NEO1: variants seen among roughly 807,000 people sequenced by gnomAD.
NEO1 encodes the protein neogenin.
Under a neutral mutation model 159.7 loss-of-function variants are expected in NEO1, and 63 were observed. The ratio of observed to expected loss-of-function variants is 0.39; its 90% CI spans 0.32 to 0.49. The LOEUF (loss-of-function observed/expected upper bound fraction) is 0.49. Among genes scored for constraint, NEO1 ranks in the 20% least tolerant of loss-of-function variants. The pLI, the probability that NEO1 is intolerant of heterozygous loss-of-function variation, is 0.85. For synonymous variants in NEO1, 633 were observed against 662.0 expected (o/e 0.96, Z 0.67); for missense variants, 1,615 against 1,831.0 (o/e 0.88, Z 2.15).
At chr15:73,081,598 G>A (rs2069049725) in intron 1 of NEO1, among the ~76,000 whole-genome samples, 1 of 150,684 alleles carries the variant, frequency 6.6e-6, no homozygotes, top group African/African-American at 2.4e-5. Flanking sequence ...TTTTTTCTGA[G>A]ACAAGGACTC....
intron 9 of NEO1, among the ~76,000 whole-genome samples, chr15:73,246,988 G>A (rs1489808485): frequency 2.0e-5 from 3 of 152,196 alleles, no homozygotes; most frequent in African/African-American, 7.2e-5. Flanking sequence ...GGAGCTTACG[G>A]TCTGGTACCA....
intron 1 of NEO1, among the ~76,000 whole-genome samples, chr15:73,099,545 G>GTTAATCT (rs1401169984): frequency 6.6e-6 from 1 of 151,746 alleles, no homozygotes; most frequent in Admixed American, 6.6e-5. Context: ...TTTTAATCTT[G>GTTAATCT]TGTTCTTTTC....
intron 1 of NEO1, among the ~76,000 whole-genome samples, chr15:73,100,259 G>A (rs555954121): frequency 2.6e-5 from 4 of 151,668 alleles, no homozygotes; most frequent in East Asian, 1.9e-4. Context: ...CATTATAGCC[G>A]TGCTATTTTT....
chr15:73,120,395 A>C (rs1007114581), intron 2 of NEO1, among the ~76,000 whole-genome samples: 1 of 150,888 alleles, frequency 6.6e-6, no homozygotes, highest in Non-Finnish European at 1.5e-5. Flanking sequence ...TTGAAATAAA[A>C]AAAAAATAAG....
chr15:73,115,156 C>T (rs1208115938), intron 1 of NEO1, among the ~76,000 whole-genome samples: 3 of 152,162 alleles, frequency 2.0e-5, no homozygotes, highest in Non-Finnish European at 2.9e-5. Flanking sequence ...GATTTTCCCG[C>T]CTCAGCCTCC....
At chr15:73,129,331 T>C (rs1174023851) in intron 4 of NEO1, among the ~76,000 whole-genome samples, 1 of 152,060 alleles carries the variant, frequency 6.6e-6, no homozygotes, top group Non-Finnish European at 1.5e-5. Flanking sequence ...AGACCCAAAA[T>C]TAGAAAGAGG....
rs746782495 is a variant in NEO1 at position 73,236,498 on chromosome 15, G to A, written c.1443G>A (p.Gly481=). 2 of 1,613,950 alleles carry A rather than the reference G, an allele frequency of 1.2e-6. No individual in the cohort carries two copies. Among genetic ancestry groups the A allele is most frequent in the Non-Finnish European group, 1.7e-6 (2 of 1,179,880 alleles). The change falls in exon 8 of 29, where the codon GGG becomes GGA. Residue 481 remains glycine, a synonymous_variant. Transcript: ENST00000261908. The part of the protein sequence containing the change: ...LTYSVFYTKE[G]IARERVENTS... ...ACTCTGTGTTCTACACCAAGGAAGG[G>A]ATTGCTAGGTAAGTGCCTGTGTGTC...
At chr15:73,147,792 A>G (rs1304884632) in intron 5 of NEO1, among the ~76,000 whole-genome samples, 2 of 148,318 alleles carry the variant, frequency 1.3e-5, no homozygotes, top group Non-Finnish European at 3.0e-5. Flanking sequence ...TTTATTGTAT[A>G]TATTCAGTTT....
intron 11 of NEO1, among the ~76,000 whole-genome samples, chr15:73,251,954 A>G (rs924749953): frequency 4.6e-5 from 7 of 152,240 alleles, no homozygotes; most frequent in African/African-American, 7.2e-5. Context: ...TATGATGTTG[A>G]TAATGAAGAC....
intron 7 of NEO1, among the ~76,000 whole-genome samples, chr15:73,223,149 T>TGA (rs1436813543): frequency 6.6e-6 from 1 of 152,240 alleles, no homozygotes; most frequent in African/African-American, 2.4e-5. Flanking sequence ...CACTGTGGTC[T>TGA]GAGAGAGTGC....
Position 73,301,421 on chromosome 15 carries a change from G to A in NEO1, c.4266G>A (p.Val1422=), listed in dbSNP as rs8035608. Residue 1422 remains valine (V), a synonymous_variant, in exon 28 of 29, where the codon GTG becomes GTA. Coordinates refer to ENST00000261908, the MANE Select transcript of NEO1 (RefSeq NM_002499.4). Reference sequence around the variant, plus strand: ...TGGTTGTTCCCAGTGCCCCTGAAGTGCAGGAGACCACAAGGATGTTGGAAG... The same window carrying A: ...TGGTTGTTCCCAGTGCCCCTGAAGTACAGGAGACCACAAGGATGTTGGAAG... ...MPVVVPSAPE[V]QETTRMLEDS... is the part of the protein sequence containing the mutation. The A allele has an allele frequency of 1.1e-3, 1,821 of 1,614,176 alleles. 20 individuals carry two copies. The African/African-American group carries it at 0.022, about 20-fold the overall frequency.
At chr15:73,052,420 C>T (rs112680211), upstream of NEO1, 3 of 89,022 alleles carry the variant, frequency 3.4e-5, 1 homozygote, top group Admixed American at 9.2e-5. Flanking sequence ...CCGCCCCCCC[C>T]CCCCCGCCCC....
intron 15 of NEO1, among the ~76,000 whole-genome samples, chr15:73,265,082 G>A (rs866668776): frequency 1.3e-5 from 2 of 152,156 alleles, no homozygotes; most frequent in Non-Finnish European, 1.5e-5. Context: ...AGCTGCAAGC[G>A]AGAAGGCCCT....
chr15:73,082,288 C>T (rs2069107133), intron 1 of NEO1, among the ~76,000 whole-genome samples: 1 of 152,090 alleles, frequency 6.6e-6, no homozygotes, highest in Non-Finnish European at 1.5e-5. Flanking sequence ...AAGTTTTTTT[C>T]ACTGAGAAAA....
rs766871595 is a variant in NEO1, at chr15:73,274,742, C to T, written c.3193+18C>T. The T allele has an allele frequency of 2.5e-6, 4 of 1,605,568 alleles. No homozygotes were observed. The African/African-American group carries it at 5.4e-5, about 22-fold the overall frequency. On this transcript the variant is annotated intron_variant, in intron 21 of 28. Coordinates refer to ENST00000261908, the MANE Select transcript of NEO1 (RefSeq NM_002499.4). Reference sequence around the variant, plus strand: ...TGATCAAGGTAAATGAGTAGATGGCCTCTCTTTTCTTTCCTTTCTTTTGTG... The same window carrying T: ...TGATCAAGGTAAATGAGTAGATGGCTTCTCTTTTCTTTCCTTTCTTTTGTG...
chr15:73,184,218 C>T (rs1335256965), intron 7 of NEO1, among the ~76,000 whole-genome samples: 7 of 152,034 alleles, frequency 4.6e-5, no homozygotes, highest in South Asian at 2.1e-4. Context: ...TACAGTGGCG[C>T]GATCTCAGCT....
chr15:73,253,214 C>T (rs1159549020), intron 11 of NEO1, among the ~76,000 whole-genome samples, 186 bp from the exon 12 acceptor site: 1 of 152,008 alleles, frequency 6.6e-6, no homozygotes, highest in Non-Finnish European at 1.5e-5. Context: ...AAAAATTGAA[C>T]CAGGCATGGC....
intron 7 of NEO1, among the ~76,000 whole-genome samples, chr15:73,189,772 T>C (rs1360369878): frequency 1.3e-5 from 2 of 152,208 alleles, no homozygotes; most frequent in African/African-American, 4.8e-5. Context: ...TGAAACTTAA[T>C]AATTATAGTT....
chr15:73,225,647 C>G (rs1008034332), intron 7 of NEO1, among the ~76,000 whole-genome samples: 1 of 152,122 alleles, frequency 6.6e-6, no homozygotes, highest in East Asian at 1.9e-4. Context: ...TCACTGTGCC[C>G]CATCTAACAG....
Sources: allele counts gnomAD v4.1 joint callset (sites outside exome capture counted in the v4.1 genomes callset), GRCh38; gene constraint gnomAD v4.1.1; transcripts MANE v1.5; gene names NCBI Gene and HGNC (gene_info 2026-07-23, HGNC 2026-07-21).